The following GSN variants were observed in gnomAD, a reference collection of about 807,000 sequenced individuals.
GSN encodes gelsolin.
In GSN, 56 loss-of-function variants were observed where a neutral mutation model predicts 85.7. That is an observed-to-expected ratio of 0.65 (90% CI 0.53 to 0.82). GSN has a LOEUF of 0.82. GSN is among the 40% of genes least tolerant of loss of function. GSN has a pLI of 0.00. For missense variants in GSN, 857 were observed against 979.8 expected, an observed-to-expected ratio of 0.87 and a Z score of 1.67; for synonymous variants, 373 against 399.1, an observed-to-expected ratio of 0.93 and a Z score of 0.78.
intron 5 of GSN, among the ~76,000 whole-genome samples, chr9:121,242,967 A>G (rs1393591215): frequency 1.3e-5 from 2 of 152,210 alleles, no homozygotes; most frequent in African/African-American, 4.8e-5. Flanking sequence ...GGAACATAAA[A>G]CAGCACAACC....
At chr9:121,206,039 C>T (rs913132205), upstream of GSN, among the ~76,000 whole-genome samples, 1 of 140,132 alleles carries the variant, frequency 7.1e-6, no homozygotes, top group Non-Finnish European at 1.6e-5. Context: ...GAGTTGCCAC[C>T]GAGCCACACT....
upstream of GSN, among the ~76,000 whole-genome samples, chr9:121,264,873 T>C (rs546637748): frequency 2.0e-5 from 3 of 152,296 alleles, no homozygotes; most frequent in South Asian, 6.2e-4. Context: ...TGATCCAACT[T>C]AGAATGTGGA....
intron 6 of GSN, among the ~76,000 whole-genome samples, chr9:121,257,238 TA>T (rs1483012696): frequency 6.6e-6 from 1 of 152,180 alleles, no homozygotes; most frequent in Non-Finnish European, 1.5e-5. Flanking sequence ...TAATAGTAAC[TA>T]TAATAATAGT....
chr9:121,250,885 G>A (rs2054814159), intron 6 of GSN, among the ~76,000 whole-genome samples: 1 of 147,846 alleles, frequency 6.8e-6, no homozygotes, highest in African/African-American at 2.5e-5. Flanking sequence ...GTGTGTGTGT[G>A]TGTGTGTGTG....
At chr9:121,237,066 A>T (rs2054509626) in intron 5 of GSN, among the ~76,000 whole-genome samples, 1 of 152,086 alleles carries the variant, frequency 6.6e-6, no homozygotes, top group Non-Finnish European at 1.5e-5. Flanking sequence ...CTGCATGGAA[A>T]CTCAGTAAAG....
chr9:121,219,607 C>T (rs62578449), intron 4 of GSN, among the ~76,000 whole-genome samples: 30 of 152,230 alleles, frequency 2.0e-4, no homozygotes, highest in East Asian at 3.9e-4. Flanking sequence ...CCCAACATGG[C>T]GCTGGATTTG....
intron 2 of GSN, among the ~76,000 whole-genome samples, chr9:121,295,781 G>C (rs1477763795): frequency 6.6e-6 from 1 of 152,222 alleles, no homozygotes; most frequent in Non-Finnish European, 1.5e-5. Flanking sequence ...TGTGCCTGGA[G>C]CTGGGCAGGA....
chr9:121,235,036 A>G (rs191031739), intron 5 of GSN, among the ~76,000 whole-genome samples: 38 of 152,238 alleles, frequency 2.5e-4, no homozygotes, highest in Admixed American at 2.4e-3. Flanking sequence ...CAAGATGGTT[A>G]GTGGGTAGGA....
chr9:121,307,697 A>G (rs1197250428), intron 4 of GSN, among the ~76,000 whole-genome samples: 1 of 152,236 alleles, frequency 6.6e-6, no homozygotes, highest in Non-Finnish European at 1.5e-5. Context: ...CAGCTTTGGC[A>G]AAGCTCGGTA....
Position 121,313,955 on chromosome 9 carries a change from C to G in GSN, c.685C>G (p.Leu229Val). 6.2e-7 allele frequency: 1 copy of G among 1,614,178 alleles called. No homozygotes were observed. Among genetic ancestry groups the G allele is most frequent in the Non-Finnish European group, 8.5e-7 (1 of 1,179,970 alleles). ...ACAGGTGCTGGGCCCCAAGCCGGCT[C>G]TGCCTGCAGGTACCGAGGACACCGC... Reference protein sequence around the residue: ...MLQVLGPKPALPAGTEDTAKE... With the variant: ...MLQVLGPKPAVPAGTEDTAKE... Residue 229 changes from leucine (L) to valine (V), a missense_variant, in exon 7 of 18, where the codon CTG becomes GTG. Physicochemically the swap from Leu to Val is conservative, Grantham distance 32 (BLOSUM62 1). Transcript: ENST00000432226.
At position 121,208,299 on chromosome 9, in the gene GSN, C is replaced by G. The variant is rs527774498; in HGVS notation, c.-808+402C>G. Among the ~76,000 whole-genome samples the G allele has an allele frequency of 7.2e-5, 11 of 152,314 alleles. No individual in the cohort carries two copies. In the East Asian group the frequency reaches 2.1e-3, roughly 29 times the overall value. On this transcript the variant is annotated intron_variant, in intron 1 of 24. Transcript: ENST00000373823. ...CACTGATTCCCTCATCCATGTGAAT[C>G]AGGCACACACTTAGGTTCCTGCCAG... is the stretch of plus-strand genomic sequence containing the variant.
chr9:121,271,251 G>T (rs1035156398), intron 1 of GSN, among the ~76,000 whole-genome samples: 1 of 152,048 alleles, frequency 6.6e-6, no homozygotes, highest in African/African-American at 2.4e-5. Context: ...CTACTTGGGA[G>T]GCTGAGGTAT....
At chr9:121,253,628 T>A (rs1055760022) in intron 6 of GSN, among the ~76,000 whole-genome samples, 5 of 152,224 alleles carry the variant, frequency 3.3e-5, no homozygotes, top group African/African-American at 1.2e-4. Flanking sequence ...TCACTGCTAA[T>A]GGAGTGACAT....
upstream of GSN, among the ~76,000 whole-genome samples, chr9:121,202,852 C>T (rs2053822299): frequency 2.0e-5 from 3 of 152,198 alleles, no homozygotes; most frequent in African/African-American, 4.8e-5. Flanking sequence ...GCCGGCCGGG[C>T]GCGGTGGCTC....
chr9:121,305,978 G>A (rs1005150157), intron 4 of GSN, among the ~76,000 whole-genome samples: 1 of 152,204 alleles, frequency 6.6e-6, no homozygotes, highest in African/African-American at 2.4e-5. Context: ...GGGACAGCAA[G>A]CCACTAGAAA....
rs1181845512 is a variant in GSN, at chr9:121,261,289, G to A, written c.-340-3865G>A. On this transcript the variant is annotated intron_variant, in intron 6 of 24. Coordinates refer to the GSN transcript ENST00000373823. This position sits in a 1 kb window ranked among gnomAD's most constrained non-coding sequence, Gnocchi z 4.1. ...TCCCTGGCAGGCATGGGCTGTTAGG[G>A]CTGTGGGCCCCTGTGCCCCTCCACA... Among the ~76,000 whole-genome samples, 1 of 152,248 alleles carries A rather than the reference G, an allele frequency of 6.6e-6. No individual in the cohort carries two copies. Among genetic ancestry groups the A allele is most frequent in the African/African-American group, 2.4e-5 (1 of 41,470 alleles).
upstream of GSN, among the ~76,000 whole-genome samples, chr9:121,202,922 C>T (rs1450681837): frequency 6.6e-6 from 1 of 151,974 alleles, no homozygotes. Flanking sequence ...GTCAGGAGAT[C>T]GAGACCATCT....
chr9:121,266,959 T>C (rs1306551893), upstream of GSN, among the ~76,000 whole-genome samples: 2 of 152,204 alleles, frequency 1.3e-5, no homozygotes, highest in Non-Finnish European at 2.9e-5. Context: ...TTGGCTTCTG[T>C]GCTACTTAAA....
intron 2 of GSN, among the ~76,000 whole-genome samples, chr9:121,290,716 A>G (rs2058604516): frequency 2.0e-5 from 3 of 152,260 alleles, no homozygotes; most frequent in Admixed American, 6.5e-5. Context: ...GAAAACTGCA[A>G]TACTTTTGCA....
Sources: allele counts gnomAD v4.1 joint callset (sites outside exome capture counted in the v4.1 genomes callset), GRCh38; gene constraint gnomAD v4.1.1; non-coding constraint Gnocchi (gnomAD v3.1); transcripts MANE v1.5; gene names NCBI Gene and HGNC (gene_info 2026-07-23, HGNC 2026-07-21).